Variants in RPS6KA2 observed in about 807,000 individuals in gnomAD.
RPS6KA2 encodes ribosomal protein S6 kinase alpha-2.
A neutral mutation model predicts 91.8 loss-of-function variants in RPS6KA2; 42 were observed. The observed-to-expected ratio is 0.46, with a 90% CI of 0.36 to 0.59. The LOEUF (loss-of-function observed/expected upper bound fraction) is 0.59. Ranked by LOEUF, RPS6KA2 falls within the 20% of genes least tolerant of loss-of-function variation. The pLI is 0.00. For missense variants in RPS6KA2, 798 were observed against 978.5 expected (o/e 0.82, Z 2.46); for synonymous variants, 414 against 393.6 (o/e 1.05, Z -0.61).
chr6:166,760,242 C>T (rs985771230), intron 2 of RPS6KA2, among the ~76,000 whole-genome samples: 4 of 152,182 alleles, frequency 2.6e-5, no homozygotes, highest in African/African-American at 9.7e-5. Context: ...AAGGTGGGCT[C>T]ATTCTGGTGA....
At chr6:166,485,136 G>T (rs1264631016) in intron 10 of RPS6KA2, among the ~76,000 whole-genome samples, 1 of 152,212 alleles carries the variant, frequency 6.6e-6, no homozygotes, top group East Asian at 1.9e-4. Context: ...GTGTGGGGGA[G>T]GCTGTGCTTA....
intron 2 of RPS6KA2, among the ~76,000 whole-genome samples, chr6:166,756,498 C>A (rs1778013821): frequency 6.6e-6 from 1 of 152,236 alleles, no homozygotes; most frequent in Non-Finnish European, 1.5e-5. Context: ...GGATCCTAAT[C>A]TGATGCACTC....
intron 1 of RPS6KA2, among the ~76,000 whole-genome samples, chr6:166,614,481 C>T (rs1343795177): frequency 1.3e-5 from 2 of 152,236 alleles, no homozygotes; most frequent in Admixed American, 1.3e-4. Flanking sequence ...TGCCCGTGTC[C>T]CTCCCACACT....
chr6:166,579,915 G>A (rs1562592210), intron 1 of RPS6KA2, among the ~76,000 whole-genome samples: 1 of 152,226 alleles, frequency 6.6e-6, no homozygotes, highest in African/African-American at 2.4e-5. Flanking sequence ...TCTGAGGATA[G>A]TTCCTCTGTT....
intron 2 of RPS6KA2, among the ~76,000 whole-genome samples, chr6:166,661,344 C>T (rs1788157957): frequency 6.6e-6 from 1 of 152,192 alleles, no homozygotes; most frequent in East Asian, 1.9e-4. Flanking sequence ...AGGCGATCCG[C>T]CCGCCTCGGC....
intron 2 of RPS6KA2, among the ~76,000 whole-genome samples, chr6:166,740,074 C>G (rs1790769353): frequency 6.6e-6 from 1 of 151,250 alleles, no homozygotes; most frequent in African/African-American, 2.4e-5. Flanking sequence ...GGGTGAGGAG[C>G]TGGTCCCTGA....
At chr6:166,479,691 A>T (rs1781117834) in intron 10 of RPS6KA2, among the ~76,000 whole-genome samples, 1 of 152,208 alleles carries the variant, frequency 6.6e-6, no homozygotes, top group African/African-American at 2.4e-5. Context: ...AATAATACAT[A>T]TTGGCAGAAA....
At chr6:166,765,430 C>T (rs539454080) in intron 2 of RPS6KA2, among the ~76,000 whole-genome samples, 36 of 152,330 alleles carry the variant, frequency 2.4e-4, no homozygotes, top group African/African-American at 7.5e-4. Flanking sequence ...CCCTGCTGCC[C>T]GCTTAGTGTG....
In RPS6KA2 at chr6:166,627,203, C is replaced by A. The variant is rs1044546985; in HGVS notation, c.-184G>T. 39 of 1,040,048 alleles carry A rather than the reference C, an allele frequency of 3.7e-5. No homozygotes were observed. Among genetic ancestry groups the A allele is most frequent in the Non-Finnish European group, 4.4e-5 (38 of 866,882 alleles). The allele number at this position is 1,040,048 out of a possible 1,614,324, so 64.4% of individuals were successfully genotyped here. A position where few individuals can be genotyped will look rare whatever the true frequency, so the allele number is the denominator to read the frequency against. ...GGCAGGCCGCGCCGGCCACCGCGGC[C>A]GGGGCCACAATCGCTCCCTCCGCCT... On this transcript the variant is annotated 5_prime_UTR_variant, in exon 1 of 21. Coordinates refer to ENST00000265678, the MANE Select transcript of RPS6KA2 (RefSeq NM_021135.6).
At chr6:166,712,111 G>A (rs893767566) in intron 2 of RPS6KA2, among the ~76,000 whole-genome samples, 1 of 152,220 alleles carries the variant, frequency 6.6e-6, no homozygotes, top group African/African-American at 2.4e-5. Flanking sequence ...GCCTGCTCAG[G>A]AGTGGCTGGA....
intron 20 of RPS6KA2, 26 bp downstream of exon 20, chr6:166,413,768 C>T (rs369586817): frequency 1.2e-6 from 2 of 1,612,788 alleles, no homozygotes; most frequent in South Asian, 2.2e-5. Flanking sequence ...TCCCACCACT[C>T]TGTCCTCACT....
intron 2 of RPS6KA2, among the ~76,000 whole-genome samples, chr6:166,748,411 A>T (rs1344965241): frequency 1.3e-5 from 2 of 151,856 alleles, no homozygotes; most frequent in Admixed American, 1.3e-4. Context: ...CAGCGAAATG[A>T]CTCCATCTGA....
chr6:166,425,767 A>G (rs1010741002), intron 16 of RPS6KA2, among the ~76,000 whole-genome samples: 1 of 152,130 alleles, frequency 6.6e-6, no homozygotes, highest in Non-Finnish European at 1.5e-5. Flanking sequence ...CTAAATATAT[A>G]TGCACCCAAT....
chr6:166,520,058 A>T (rs1378282871), intron 3 of RPS6KA2, among the ~76,000 whole-genome samples: 8 of 152,148 alleles, frequency 5.3e-5, no homozygotes, highest in African/African-American at 1.9e-4. Flanking sequence ...ATAGAACAAA[A>T]AAGCAGTGGG....
chr6:166,674,757 C>T (rs981649378), intron 2 of RPS6KA2, among the ~76,000 whole-genome samples: 2 of 152,176 alleles, frequency 1.3e-5, no homozygotes, highest in Non-Finnish European at 2.9e-5. Context: ...CAACCTCCGC[C>T]TCCCGGGTTC....
At chr6:166,536,104 G>C (rs1783468849) in intron 2 of RPS6KA2, among the ~76,000 whole-genome samples, 1 of 152,254 alleles carries the variant, frequency 6.6e-6, no homozygotes, top group Non-Finnish European at 1.5e-5. Flanking sequence ...ATCCATTTCT[G>C]CATCTCCAAT....
chr6:166,504,172 G>A (rs1056834673), intron 6 of RPS6KA2, among the ~76,000 whole-genome samples: 1 of 152,230 alleles, frequency 6.6e-6, no homozygotes, highest in African/African-American at 2.4e-5. Flanking sequence ...CAGGAGAGAG[G>A]GCGGGAATGT....
rs1455750564 is a variant in RPS6KA2, at chr6:166,648,980, C to T, written c.124-110196G>A. 2.6e-5 allele frequency among the ~76,000 whole-genome samples: 4 copies of T among 152,210 alleles called. No homozygotes were observed. The highest frequency in any genetic ancestry group is 4.8e-5 in the African/African-American group (2 of 41,440). ...AGCCCTACTAATGGGCTCCTTCCTTCGCCCCTCCTCCAGTCTAGTCAATAT... is the reference window on the plus strand; with the variant it reads ...AGCCCTACTAATGGGCTCCTTCCTTTGCCCCTCCTCCAGTCTAGTCAATAT... On this transcript the variant is annotated intron_variant, in intron 2 of 21. Coordinates refer to the RPS6KA2 transcript ENST00000503859. The surrounding 1 kb of genome is among the most constrained non-coding windows in gnomAD (Gnocchi z 4.8).
chr6:166,477,815 G>A (rs779192503), intron 10 of RPS6KA2, among the ~76,000 whole-genome samples: 4 of 152,198 alleles, frequency 2.6e-5, no homozygotes, highest in Admixed American at 1.3e-4. Context: ...GGAGGCTGAC[G>A]TGGGAGGACT....
Sources: allele counts gnomAD v4.1 joint callset (sites outside exome capture counted in the v4.1 genomes callset), GRCh38; gene constraint gnomAD v4.1.1; non-coding constraint Gnocchi (gnomAD v3.1); transcripts MANE v1.5; gene names NCBI Gene and HGNC (gene_info 2026-07-23, HGNC 2026-07-21).